The following ASAP3 variants were observed in gnomAD, a reference collection of about 807,000 sequenced individuals.
The protein encoded by ASAP3 is arf-GAP with SH3 domain, ANK repeat and PH domain-containing protein 3.
Under a neutral mutation model 118.2 loss-of-function variants are expected in ASAP3, and 85 were observed. That is an observed-to-expected ratio of 0.72 (90% CI 0.60 to 0.86). The LOEUF (loss-of-function observed/expected upper bound fraction) is 0.86. ASAP3 is among the 40% of genes least tolerant of loss of function. The pLI is 0.00. For synonymous variants in ASAP3, 432 were observed against 477.4 expected (o/e 0.90, Z 1.24); for missense variants, 1,026 against 1,175.0 (o/e 0.87, Z 1.85).
intron 1 of ASAP3, among the ~76,000 whole-genome samples, chr1:23,471,857 T>C (rs1347529128): frequency 6.6e-6 from 1 of 152,238 alleles, no homozygotes; most frequent in Non-Finnish European, 1.5e-5. Flanking sequence ...CCCTGTGTTA[T>C]GATGTGCTAA....
intron 11 of ASAP3, 118 bp downstream of exon 11, chr1:23,439,043 C>G: frequency 7.5e-7 from 1 of 1,336,116 alleles, no homozygotes; most frequent in Non-Finnish European, 1.1e-6. Context: ...GGGTCTCCAG[C>G]TCCCTGGACC....
At chr1:23,475,620 C>T (rs1230739833) in intron 1 of ASAP3, among the ~76,000 whole-genome samples, 1 of 152,202 alleles carries the variant, frequency 6.6e-6, no homozygotes, top group Non-Finnish European at 1.5e-5. Flanking sequence ...TCCAAACTCA[C>T]ATACTGCCTT....
intron 1 of ASAP3, among the ~76,000 whole-genome samples, chr1:23,470,829 G>A (rs1641940041): frequency 6.6e-6 from 1 of 152,222 alleles, no homozygotes; most frequent in Admixed American, 6.5e-5. Context: ...TGCAAGAAGG[G>A]AGCCACACCC....
Position 23,437,491 on chromosome 1 carries a change from G to T in ASAP3, c.1103-19C>A. Reference sequence around the variant, plus strand: ...CGGTTGTCTGTCGGGAGAGAAGGGGGCTTCTGACCCACAGAAATGCTGCTG... The same window carrying T: ...CGGTTGTCTGTCGGGAGAGAAGGGGTCTTCTGACCCACAGAAATGCTGCTG... On this transcript the variant is annotated intron_variant, in intron 12 of 24. Coordinates refer to ENST00000336689, the MANE Select transcript of ASAP3 (RefSeq NM_017707.4). This position sits in a 1 kb window ranked among gnomAD's most constrained non-coding sequence, Gnocchi z 6.1. 6.2e-7 allele frequency: 1 copy of T among 1,613,898 alleles called. No homozygotes were observed. The highest frequency in any genetic ancestry group is 1.7e-4 in the Middle Eastern group (1 of 6,060).
At position 23,429,576 on chromosome 1, in the gene ASAP3, C is replaced by T; in HGVS notation, c.*280G>A. 3.3e-6 allele frequency: 1 copy of T among 305,648 alleles called. No homozygotes were observed. The highest frequency in any genetic ancestry group is 2.2e-5 in the African/African-American group (1 of 46,278). The allele number at this position is 305,648 out of a possible 1,614,324, so 18.9% of individuals were successfully genotyped here. A position where few individuals can be genotyped will look rare whatever the true frequency, so the allele number is the denominator to read the frequency against. Reference sequence around the variant, plus strand: ...TGATGAGGGACTGAGAGTTCTGCAGCTGAAGCCAGCTCAGGAGCACTCAGA... The same window carrying T: ...TGATGAGGGACTGAGAGTTCTGCAGTTGAAGCCAGCTCAGGAGCACTCAGA... On this transcript the variant is annotated 3_prime_UTR_variant, in exon 25 of 25. Transcript: ENST00000336689.
In ASAP3 at chr1:23,436,007, A is replaced by G. The variant is rs2148607621; in HGVS notation, c.1593T>C (p.Ile531=). The G allele has an allele frequency of 6.2e-7, 1 of 1,614,256 alleles. No individual in the cohort carries two copies. Among genetic ancestry groups the G allele is most frequent in the Non-Finnish European group, 8.5e-7 (1 of 1,180,046 alleles). ...ESDMGTRRDY[I]MAKYVEHRFA... The stretch of plus-strand genomic sequence containing the variant: ...ACCTATGCTCCACATACTTGGCCAT[A>G]ATGTAGTCCCTGCGGGTGCCCCTAC... Residue 531 remains isoleucine, a synonymous_variant, in exon 17 of 25, where the codon ATT becomes ATC. Transcript: ENST00000336689. The surrounding 1 kb of genome is among the most constrained non-coding windows in gnomAD (Gnocchi z 4.2).
intron 1 of ASAP3, among the ~76,000 whole-genome samples, chr1:23,460,416 A>ACT (rs1641543506): frequency 6.7e-6 from 1 of 150,124 alleles, no homozygotes; most frequent in Non-Finnish European, 1.5e-5. Context: ...CTAAGGCAGG[A>ACT]GAATCATTTG....
At chr1:23,441,043 C>G in intron 10 of ASAP3, 59 bp downstream of exon 10, 2 of 1,504,002 alleles carry the variant, frequency 1.3e-6, no homozygotes, top group Non-Finnish European at 1.8e-6. Context: ...GCTTCCCCAA[C>G]CCTGTCATTT....
rs1570342045 is a variant in ASAP3 at position 23,438,999 on chromosome 1, T to C, written c.1014+162A>G. On this transcript the variant is annotated intron_variant, in intron 11 of 24. Coordinates refer to ENST00000336689, the MANE Select transcript of ASAP3 (RefSeq NM_017707.4). The surrounding 1 kb of genome is among the most constrained non-coding windows in gnomAD (Gnocchi z 4.9). ...ATGTGAAGTGTAGACTAAGACTAGATTGGGGCCTTCAGGTCCCATCTGTCC... is the reference window on the plus strand; with the variant it reads ...ATGTGAAGTGTAGACTAAGACTAGACTGGGGCCTTCAGGTCCCATCTGTCC... The C allele has an allele frequency of 1.7e-5, 18 of 1,081,284 alleles. No individual in the cohort carries two copies. In the South Asian group the frequency reaches 2.3e-4, roughly 14 times the overall value. The allele number at this position is 1,081,284 out of a possible 1,614,324, so 67.0% of individuals were successfully genotyped here. A position where few individuals can be genotyped will look rare whatever the true frequency, so the allele number is the denominator to read the frequency against.
intron 1 of ASAP3, among the ~76,000 whole-genome samples, chr1:23,471,627 G>A (rs182965555): frequency 3.2e-4 from 48 of 152,298 alleles, no homozygotes; most frequent in African/African-American, 1.1e-3. Context: ...TCCAAATTCT[G>A]GTTCCAGTCC....
intron 1 of ASAP3, among the ~76,000 whole-genome samples, chr1:23,458,717 G>A (rs1641471679): frequency 6.6e-6 from 1 of 152,032 alleles, no homozygotes; most frequent in Non-Finnish European, 1.5e-5. Context: ...AAAAAAAGAG[G>A]CAAGAACATG....
intron 5 of ASAP3, among the ~76,000 whole-genome samples, chr1:23,450,445 T>A (rs1641177384): frequency 6.6e-6 from 1 of 152,196 alleles, no homozygotes; most frequent in Non-Finnish European, 1.5e-5. Flanking sequence ...GTTGTTATGA[T>A]CTCATTTTTA....
chr1:23,434,742 G>C, intron 17 of ASAP3, 124 bp from the exon 18 acceptor site: 2 of 857,120 alleles, frequency 2.3e-6, no homozygotes, highest in Non-Finnish European at 3.7e-6. Flanking sequence ...ACCCTGGAGA[G>C]ATGAGACTGC....
At chr1:23,442,302 G>T in intron 6 of ASAP3, 31 bp from the exon 7 acceptor site, 1 of 1,587,616 alleles carries the variant, frequency 6.3e-7, no homozygotes, top group Non-Finnish European at 8.6e-7. Flanking sequence ...GATACGTGAT[G>T]TGAGCTGAAG....
At chr1:23,452,577 C>T (rs1641251385) in intron 4 of ASAP3, 120 bp downstream of exon 4, 1 of 1,117,438 alleles carries the variant, frequency 8.9e-7, no homozygotes, top group Non-Finnish European at 1.3e-6. Flanking sequence ...AGGCTCATCA[C>T]TCCCGCTAAG....
In ASAP3 at chr1:23,437,490, G is replaced by A. The variant is rs771413706; in HGVS notation, c.1103-18C>T. On this transcript the variant is annotated intron_variant, in intron 12 of 24. Coordinates refer to ENST00000336689, the MANE Select transcript of ASAP3 (RefSeq NM_017707.4). This position sits in a 1 kb window ranked among gnomAD's most constrained non-coding sequence, Gnocchi z 6.1. ...CCGGTTGTCTGTCGGGAGAGAAGGG[G>A]GCTTCTGACCCACAGAAATGCTGCT... is the stretch of plus-strand genomic sequence containing the variant. The A allele has an allele frequency of 6.2e-7, 1 of 1,613,828 alleles. No homozygotes were observed. Among genetic ancestry groups the A allele is most frequent in the Non-Finnish European group, 8.5e-7 (1 of 1,179,912 alleles).
intron 5 of ASAP3, among the ~76,000 whole-genome samples, chr1:23,449,388 G>A (rs2148627742): frequency 6.6e-6 from 1 of 152,248 alleles, no homozygotes; most frequent in South Asian, 2.1e-4. Flanking sequence ...CTCTGTACAG[G>A]GCCCGGGATG....
chr1:23,451,642 G>A, intron 4 of ASAP3, 114 bp from the exon 5 acceptor site: 1 of 1,202,336 alleles, frequency 8.3e-7, no homozygotes, highest in Non-Finnish European at 1.2e-6. Context: ...GCTGCTCAGA[G>A]CCCTTCTCTA....
chr1:23,437,245 C>T lies in ASAP3; in HGVS notation c.1227G>A (p.Pro409=). The change falls in exon 14 of 25, where the codon CCG becomes CCA. Residue 409 remains proline (P), a synonymous_variant. Coordinates refer to ENST00000336689, the MANE Select transcript of ASAP3 (RefSeq NM_017707.4). The surrounding 1 kb of genome is among the most constrained non-coding windows in gnomAD (Gnocchi z 6.1). ...SAFLGEPSAG[P]GSWGSAGHDG... is the part of the protein sequence containing the mutation. Reference sequence around the variant, plus strand: ...CATGGCCGGCGGACCCCCAGGACCCCGGGCCAGCGCTGGGCTCCCCGAGGA... The same window carrying T: ...CATGGCCGGCGGACCCCCAGGACCCTGGGCCAGCGCTGGGCTCCCCGAGGA... The T allele has an allele frequency of 6.3e-7, 1 of 1,590,742 alleles. No individual in the cohort carries two copies.
Sources: allele counts gnomAD v4.1 joint callset (sites outside exome capture counted in the v4.1 genomes callset), GRCh38; gene constraint gnomAD v4.1.1; non-coding constraint Gnocchi (gnomAD v3.1); transcripts MANE v1.5; gene names NCBI Gene and HGNC (gene_info 2026-07-23, HGNC 2026-07-21).